RIMBP2: variants seen among roughly 807,000 people sequenced by gnomAD.
RIMBP2 encodes the protein RIMS-binding protein 2.
Under a neutral mutation model 118.6 loss-of-function variants are expected in RIMBP2, and 48 were observed. The ratio of observed to expected loss-of-function variants is 0.40; its 90% CI spans 0.32 to 0.51. RIMBP2 has a LOEUF of 0.51. Ranked by LOEUF, RIMBP2 falls within the 20% of genes least tolerant of loss-of-function variation. The pLI, the probability that RIMBP2 is intolerant of heterozygous loss-of-function variation, is 0.41. For missense variants in RIMBP2, 1,551 were observed against 1,768.3 expected (o/e 0.88, Z 2.20); for synonymous variants, 762 against 742.9 (o/e 1.03, Z -0.42).
intron 2 of RIMBP2, among the ~76,000 whole-genome samples, chr12:130,551,913 T>G (rs2055825603): frequency 6.6e-6 from 1 of 152,232 alleles, no homozygotes; most frequent in Non-Finnish European, 1.5e-5. Flanking sequence ...ATTATGTTAG[T>G]GGCAAATCAT....
At chr12:130,433,793 T>C (rs1362182461) in intron 14 of RIMBP2, among the ~76,000 whole-genome samples, 2 of 152,308 alleles carry the variant, frequency 1.3e-5, no homozygotes, top group Non-Finnish European at 2.9e-5. Flanking sequence ...GCCAAGAGAA[T>C]GGACGAGACA....
chr12:130,666,952 A>G (rs1227897658), intron 1 of RIMBP2, among the ~76,000 whole-genome samples: 2 of 97,490 alleles, frequency 2.1e-5, no homozygotes, highest in East Asian at 6.5e-4. Context: ...GGAGGGAGGA[A>G]AGGAGGGAGA....
intron 2 of RIMBP2, among the ~76,000 whole-genome samples, chr12:130,601,085 A>T (rs1443560489): frequency 6.6e-6 from 1 of 152,146 alleles, no homozygotes; most frequent in African/African-American, 2.4e-5. Context: ...CACGGTGAGC[A>T]TTTATACACC....
intron 11 of RIMBP2, among the ~76,000 whole-genome samples, chr12:130,441,410 TAATAATA>T (rs2078118401): frequency 8.8e-6 from 1 of 113,670 alleles, no homozygotes; most frequent in Non-Finnish European, 1.9e-5. Flanking sequence ...CAAATAATAA[TAATAATA>T]ATAATAATAA....
chr12:130,676,749 C>T (rs1397116799), intron 1 of RIMBP2, among the ~76,000 whole-genome samples: 1 of 152,146 alleles, frequency 6.6e-6, no homozygotes, highest in Non-Finnish European at 1.5e-5. Flanking sequence ...CTCAAATGTA[C>T]CATGAGAAGA....
At chr12:130,590,949 G>A (rs948846306) in intron 2 of RIMBP2, among the ~76,000 whole-genome samples, 1 of 152,216 alleles carries the variant, frequency 6.6e-6, no homozygotes, top group Non-Finnish European at 1.5e-5. Context: ...GCAGCCAGGG[G>A]AAAGCGGGAT....
At chr12:130,646,153 CTCCACCTCCCTCACCACCT>C (rs2062909700) in intron 1 of RIMBP2, among the ~76,000 whole-genome samples, 5 of 90,444 alleles carry the variant, frequency 5.5e-5, no homozygotes, top group Admixed American at 2.2e-4. Flanking sequence ...CCACCTGCCT[CTCCACCTCCCTCACCACCT>C]GCCTCTCCAC....
intron 1 of RIMBP2, among the ~76,000 whole-genome samples, chr12:130,650,786 G>A (rs1415428413): frequency 2.0e-5 from 3 of 151,852 alleles, no homozygotes; most frequent in African/African-American, 4.8e-5. Context: ...GAGCGTCGGG[G>A]GAGAGATTTT....
chr12:130,597,876 A>G (rs1213391618), intron 2 of RIMBP2, among the ~76,000 whole-genome samples: 1 of 152,230 alleles, frequency 6.6e-6, no homozygotes, highest in African/African-American at 2.4e-5. Context: ...TGTACTGGAG[A>G]TTTAAGCCAA....
chr12:130,613,439 G>A (rs2060687848), intron 2 of RIMBP2, among the ~76,000 whole-genome samples: 1 of 152,228 alleles, frequency 6.6e-6, no homozygotes, highest in South Asian at 2.1e-4. Flanking sequence ...CCCGCAGGCA[G>A]AGGACAGCAC....
chr12:130,547,967 GCA>G (rs1217099572), intron 2 of RIMBP2, among the ~76,000 whole-genome samples: 1 of 152,184 alleles, frequency 6.6e-6, no homozygotes, highest in African/African-American at 2.4e-5. Flanking sequence ...TGTTGATGAT[GCA>G]CAGACCTCCA....
chr12:130,520,918 G>T (rs569309406), intron 2 of RIMBP2, among the ~76,000 whole-genome samples: 1 of 152,158 alleles, frequency 6.6e-6, no homozygotes, highest in Non-Finnish European at 1.5e-5. Context: ...AGCATCCCAC[G>T]TTGTCCATGC....
At chr12:130,463,688 T>TA (rs1303841170) in intron 6 of RIMBP2, among the ~76,000 whole-genome samples, 1 of 151,988 alleles carries the variant, frequency 6.6e-6, no homozygotes, top group Non-Finnish European at 1.5e-5. Context: ...TCACTTGACT[T>TA]AGTGTCAGAG....
rs759178506 is a variant in RIMBP2 at position 130,399,727 on chromosome 12, A to C, written c.3852T>G (p.Ala1284=). 3 of 1,614,230 alleles carry C rather than the reference A, an allele frequency of 1.9e-6. No homozygotes were observed. In the South Asian group the frequency reaches 3.3e-5, roughly 18 times the overall value. The change falls in exon 22 of 23, where the codon GCT becomes GCG. Residue 1284 remains alanine (A), a synonymous_variant. Coordinates refer to ENST00000690449, the MANE Select transcript of RIMBP2 (RefSeq NM_001393629.1). ...GCGTATCTTGAGAGTAGTGGGATGG[A>C]GCATCAGAAAGATAGACTTCTACGT... ...PDDVEVYLSD[A]PSHYSQDTPM... is the part of the protein sequence containing the mutation.
chr12:130,439,459 G>A (rs2077862098), intron 11 of RIMBP2, among the ~76,000 whole-genome samples: 1 of 145,164 alleles, frequency 6.9e-6, no homozygotes, highest in South Asian at 2.2e-4. Context: ...GGGTGTGTGG[G>A]TGTGTATGTA....
intron 7 of RIMBP2, among the ~76,000 whole-genome samples, chr12:130,453,198 G>T (rs1039338455): frequency 6.6e-6 from 1 of 152,230 alleles, no homozygotes; most frequent in Non-Finnish European, 1.5e-5. Flanking sequence ...GAGGTTGCCG[G>T]GGACAGTGTG....
intron 2 of RIMBP2, among the ~76,000 whole-genome samples, chr12:130,599,072 G>T (rs1428454762): frequency 2.6e-5 from 4 of 152,184 alleles, no homozygotes; most frequent in Non-Finnish European, 4.4e-5. Flanking sequence ...TCCAAAAATG[G>T]TGATGGAAAT....
At position 130,424,784 on chromosome 12, in the gene RIMBP2, C is replaced by G. The variant is rs1293732446; in HGVS notation, c.2487G>C (p.Lys829Asn). The G allele has an allele frequency of 8.1e-7, 1 of 1,232,872 alleles. No homozygotes were observed. 76.4% of individuals were successfully genotyped at this position (1,232,872 alleles called of 1,614,324 possible). A position where few individuals can be genotyped will look rare whatever the true frequency, so the allele number is the denominator to read the frequency against. ...CTACTTCGGGGATACTGAAAAGTCT[C>G]TTCCTGTGGGGCTGGTGGGGAAACT... is the stretch of plus-strand genomic sequence containing the variant. Reference protein sequence around the residue: ...QPEFPHQPHRKRLFSIPEVAE... With the variant: ...QPEFPHQPHRNRLFSIPEVAE... Residue 829 changes from lysine to asparagine, a missense_variant, in exon 16 of 23, where the codon AAG (lysine) becomes AAC (asparagine). This residue lies in a region of RIMBP2 where 1,038 missense variants were observed against 1,125.1 expected (regional missense o/e 0.92). Transcript: ENST00000690449. The surrounding 1 kb of genome is among the most constrained non-coding windows in gnomAD (Gnocchi z 9.8).
rs1303579777 is a variant in RIMBP2 at position 130,453,278 on chromosome 12, T to C, written c.359-1938A>G. 2.0e-5 allele frequency among the ~76,000 whole-genome samples: 3 copies of C among 152,290 alleles called. No homozygotes were observed. The East Asian group carries it at 5.8e-4, about 30-fold the overall frequency. ...ACTCTGTGTCAGAGGTGCCTCCCCATACAGGGCGCGAGTCCCTTTGTGGCC... is the reference window on the plus strand; with the variant it reads ...ACTCTGTGTCAGAGGTGCCTCCCCACACAGGGCGCGAGTCCCTTTGTGGCC... On this transcript the variant is annotated intron_variant, in intron 7 of 22. Coordinates refer to ENST00000690449, the MANE Select transcript of RIMBP2 (RefSeq NM_001393629.1).
Sources: gnomAD v4.1 joint callset for allele counts (sites outside exome capture counted in the v4.1 genomes callset) on GRCh38, gnomAD v4.1.1 for gene constraint, gnomAD v4.1.1 regional missense constraint, Gnocchi (gnomAD v3.1) non-coding constraint, MANE v1.5 for transcripts, NCBI Gene and HGNC (gene_info 2026-07-23, HGNC 2026-07-21) for gene names.